The following KDR variants were observed in gnomAD, a reference collection of about 807,000 sequenced individuals.
KDR encodes the protein vascular endothelial growth factor receptor 2.
KDR carries 43 observed loss-of-function variants against 160.9 expected under a neutral mutation model. That is an observed-to-expected ratio of 0.27 (90% CI 0.21 to 0.34). The LOEUF is 0.34. Among genes scored for constraint, KDR ranks in the 10% least tolerant of loss-of-function variants. The probability of loss-of-function intolerance (pLI) is 1.00; values close to 1 mark genes in which losing one functional copy is unlikely to be tolerated. For synonymous variants in KDR, 617 were observed against 600.1 expected, an observed-to-expected ratio of 1.03 and a Z score of -0.41; for missense variants, 1,469 against 1,666.4, an observed-to-expected ratio of 0.88 and a Z score of 2.06.
chr4:55,109,142 G>A (rs1029421164), intron 9 of KDR, among the ~76,000 whole-genome samples: 2 of 151,960 alleles, frequency 1.3e-5, no homozygotes, highest in African/African-American at 2.4e-5. Context: ...GAGTACAATG[G>A]TGCGATCTCG....
Position 55,110,405 on chromosome 4 carries a change from T to A in KDR, c.1253A>T (p.Tyr418Phe), listed in dbSNP as rs779812906. The A allele has an allele frequency of 1.2e-5, 20 of 1,613,862 alleles. No homozygotes were observed. The highest frequency in any genetic ancestry group is 1.6e-5 in the Non-Finnish European group (19 of 1,179,914). Residue 418 changes from tyrosine (Y) to phenylalanine (F), a missense_variant and splice_region_variant, in exon 9 of 30, where the codon TAT becomes TTT. Tyr to Phe is a conservative substitution (Grantham distance 22). Around this residue, in one of 7 missense-constraint regions of KDR, gnomAD observed 792 missense variants for 840.9 expected, o/e 0.94. Transcript: ENST00000263923. ...KQSHVVSLVV[Y>F]VPPQIGEKSL... is the part of the protein sequence containing the mutation. Reference sequence around the variant, plus strand: ...AGAGGAAAATTGAATGGACTCACCATACACAACCAGAGAGACCACATGGCT... The same window carrying A: ...AGAGGAAAATTGAATGGACTCACCAAACACAACCAGAGAGACCACATGGCT...
chr4:55,098,202 T>A lies in KDR; in HGVS notation c.2444A>T (p.Glu815Val). 1 of 1,613,980 alleles carries A rather than the reference T, an allele frequency of 6.2e-7. No individual in the cohort carries two copies. Among genetic ancestry groups the A allele is most frequent in the Non-Finnish European group, 8.5e-7 (1 of 1,179,866 alleles). The change falls in exon 17 of 30, where the codon GAA becomes GTA. Residue 815 changes from glutamate (E) to valine (V), a missense_variant. By Grantham distance (121) the Glu-to-Val change is moderately radical. Coordinates refer to ENST00000263923, the MANE Select transcript of KDR (RefSeq NM_002253.4). ...VMDPDELPLD[E>V]HCERLPYDAS... ...ATCATAAGGCAGTCGTTCACAATGT[T>A]CATCCAATGGGAGTTCATCTGGATC...
chr4:55,094,556 G>A (rs907273999), intron 21 of KDR, among the ~76,000 whole-genome samples: 10 of 152,154 alleles, frequency 6.6e-5, no homozygotes, highest in Admixed American at 5.9e-4. Flanking sequence ...GGTTGTAGCC[G>A]ACTGCTTAGC....
At position 55,110,395 on chromosome 4, in the gene KDR, G is replaced by A. The variant is rs767544000; in HGVS notation, c.1255+8C>T. 6.2e-7 allele frequency: 1 copy of A among 1,613,462 alleles called. No homozygotes were observed. The highest frequency in any genetic ancestry group is 1.1e-5 in the South Asian group (1 of 91,056). The stretch of plus-strand genomic sequence containing the variant: ...TCTTGGGCAGAGAGGAAAATTGAAT[G>A]GACTCACCATACACAACCAGAGAGA... On this transcript the variant is annotated splice_region_variant and intron_variant, in intron 9 of 29. Coordinates refer to ENST00000263923, the MANE Select transcript of KDR (RefSeq NM_002253.4).
In KDR at chr4:55,113,462, A is replaced by G; in HGVS notation, c.818T>C (p.Val273Ala). 1.2e-6 allele frequency: 2 copies of G among 1,614,038 alleles called. No individual in the cohort carries two copies. Among genetic ancestry groups the G allele is most frequent in the Non-Finnish European group, 1.7e-6 (2 of 1,179,918 alleles). ...PSSKHQHKKL[V>A]NRDLKTQSGS... ...AGACTGGGTTTTTAGGTCTCGGTTT[A>G]CAAGTTTCTTATGCTGATGCTGAAA... Residue 273 changes from valine (V) to alanine (A), a missense_variant, in exon 7 of 30, where the codon GTA becomes GCA. Coordinates refer to ENST00000263923, the MANE Select transcript of KDR (RefSeq NM_002253.4).
chr4:55,099,360 T>G (rs1197114120), intron 15 of KDR, among the ~76,000 whole-genome samples: 2 of 152,170 alleles, frequency 1.3e-5, no homozygotes, highest in Non-Finnish European at 2.9e-5. Context: ...TGCAAAACAT[T>G]GCTCATGTAA....
rs1316722582 is a variant in KDR, at chr4:55,104,765, T to C, written c.1865A>G (p.Asn622Ser). ...LNATMFSNSTNDILIMELKNA... is the reference protein window; with the variant it reads ...LNATMFSNSTSDILIMELKNA... ...CTTAAGCTCCATGATCAAAATGTCA[T>C]TTGTGCTATTAGAGAACATGGTGGC... The change falls in exon 13 of 30, where the codon AAT becomes AGT. Residue 622 changes from asparagine (N) to serine (S), a missense_variant. This residue lies in a region of KDR where 792 missense variants were observed against 840.9 expected (regional missense o/e 0.94). Transcript: ENST00000263923. 1 of 1,613,972 alleles carries C rather than the reference T, an allele frequency of 6.2e-7. No homozygotes were observed. The highest frequency in any genetic ancestry group is 8.5e-7 in the Non-Finnish European group (1 of 1,179,894).
rs1048851482 is a variant in KDR, at chr4:55,105,959, A to T, written c.1537-19T>A. On this transcript the variant is annotated intron_variant, in intron 11 of 29. Coordinates refer to ENST00000263923, the MANE Select transcript of KDR (RefSeq NM_002253.4). ...TTACAGTCTGTGCGGGGAAAAAACA[A>T]ATCCCAGGCCATAAACAACGCGGCT... 7.9e-6 allele frequency: 12 copies of T among 1,512,808 alleles called. No individual in the cohort carries two copies. Among genetic ancestry groups the T allele is most frequent in the South Asian group, 1.1e-5 (1 of 89,138 alleles). 93.7% of individuals were successfully genotyped at this position (1,512,808 alleles called of 1,614,324 possible). A position where few individuals can be genotyped will look rare whatever the true frequency, so the allele number is the denominator to read the frequency against.
intron 29 of KDR, among the ~76,000 whole-genome samples, chr4:55,081,180 G>A (rs1719727479): frequency 6.6e-6 from 1 of 152,034 alleles, no homozygotes; most frequent in Admixed American, 6.5e-5. Context: ...CTTTTAATAT[G>A]TTGGGGTTTT....
rs773952601 is a variant in KDR at position 55,113,264 on chromosome 4, C to A, written c.976+40G>T. ...ACCTAAATTTATTTAAATTATCTCA[C>A]TTGTCAAGGCACAGAATAATTTCCA... On this transcript the variant is annotated intron_variant, in intron 7 of 29. Coordinates refer to ENST00000263923, the MANE Select transcript of KDR (RefSeq NM_002253.4). 3 of 1,591,236 alleles carry A rather than the reference C, an allele frequency of 1.9e-6. No individual in the cohort carries two copies. In the South Asian group the frequency reaches 3.3e-5, roughly 18 times the overall value.
intron 7 of KDR, among the ~76,000 whole-genome samples, chr4:55,111,161 C>T (rs1720573093): frequency 6.6e-6 from 1 of 152,184 alleles, no homozygotes; most frequent in African/African-American, 2.4e-5. Context: ...CCTCAGACCT[C>T]CTCTTTATTT....
Position 55,094,923 on chromosome 4 carries a change from G to A in KDR, c.2850C>T (p.Asp950=), listed in dbSNP as rs376761137. Residue 950 remains aspartate, a synonymous_variant, in exon 21 of 30, where the codon GAC becomes GAT. Coordinates refer to ENST00000263923, the MANE Select transcript of KDR (RefSeq NM_002253.4). ...TKGARFRQGK[D]YVGAIPVDLK... The stretch of plus-strand genomic sequence containing the variant: ...GATCCACAGGGATTGCTCCAACGTA[G>A]TCTTTCCCTTGACGGAATCGTGCCC... 61 of 1,613,842 alleles carry A rather than the reference G, an allele frequency of 3.8e-5. No homozygotes were observed. The highest frequency in any genetic ancestry group is 5.1e-5 in the Non-Finnish European group (60 of 1,179,906).
At chr4:55,105,020 T>G (rs1231846149) in intron 12 of KDR, 36 bp from the exon 13 acceptor site, 16 of 1,546,268 alleles carry the variant, frequency 1.0e-5, no homozygotes, top group Non-Finnish European at 1.2e-5. Context: ...GAATGGTGAT[T>G]TAACTTGGTA....
chr4:55,121,435 C>G (rs1349912632), intron 1 of KDR, among the ~76,000 whole-genome samples: 2 of 152,166 alleles, frequency 1.3e-5, no homozygotes, highest in African/African-American at 2.4e-5. Flanking sequence ...GGGTGGAGTT[C>G]CTGTTTTCCT....
Position 55,092,553 on chromosome 4 carries a change from T to C in KDR, c.3069+64A>G, listed in dbSNP as rs932169178. Reference sequence around the variant, plus strand: ...CCAAACAAGCACCAATGGCTGACACTGGACATCTTATTTCCAAACCTGTGA... The same window carrying C: ...CCAAACAAGCACCAATGGCTGACACCGGACATCTTATTTCCAAACCTGTGA... On this transcript the variant is annotated intron_variant, in intron 22 of 29. Transcript: ENST00000263923. The C allele has an allele frequency of 1.0e-4, 116 of 1,153,984 alleles. No homozygotes were observed. The East Asian group carries it at 2.7e-3, about 27-fold the overall frequency. 71.5% of individuals were successfully genotyped at this position (1,153,984 alleles called of 1,614,324 possible).
At position 55,080,619 on chromosome 4, in the gene KDR, G is replaced by A. The variant is rs549369241; in HGVS notation, c.3849-456C>T. 7.9e-5 allele frequency among the ~76,000 whole-genome samples: 12 copies of A among 152,330 alleles called. No individual in the cohort carries two copies. In the South Asian group the frequency reaches 1.4e-3, roughly 18 times the overall value. On this transcript the variant is annotated intron_variant, in intron 29 of 29. Transcript: ENST00000263923. ...GGGGCATGTGTATGGTTGTAATAAAGCTCTTGAGCAACTTTAAACTTTAAT... is the reference window on the plus strand; with the variant it reads ...GGGGCATGTGTATGGTTGTAATAAAACTCTTGAGCAACTTTAAACTTTAAT...
intron 18 of KDR, 72 bp downstream of exon 18, chr4:55,097,590 A>C (rs1720194516): frequency 1.0e-6 from 1 of 1,002,946 alleles, no homozygotes; most frequent in Admixed American, 1.7e-5. Context: ...AAAGCTACTG[A>C]TACAAGCCTT....
intron 22 of KDR, among the ~76,000 whole-genome samples, chr4:55,090,794 G>C (rs1719993114): frequency 6.8e-6 from 1 of 147,286 alleles, no homozygotes; most frequent in South Asian, 2.2e-4. Context: ...ATGATATTTT[G>C]TAAGAAAATG....
At chr4:55,107,238 G>A (rs966487550) in intron 10 of KDR, among the ~76,000 whole-genome samples, 2 of 152,162 alleles carry the variant, frequency 1.3e-5, no homozygotes, top group Non-Finnish European at 2.9e-5. Flanking sequence ...GACTGCTTAG[G>A]GTGGTGGTGG....
Sources: allele counts gnomAD v4.1 joint callset (sites outside exome capture counted in the v4.1 genomes callset), GRCh38; gene constraint gnomAD v4.1.1; regional missense constraint gnomAD v4.1.1; transcripts MANE v1.5; gene names NCBI Gene and HGNC (gene_info 2026-07-23, HGNC 2026-07-21).